The following PIBF1 variants were observed in gnomAD, a reference collection of about 807,000 sequenced individuals.
PIBF1 encodes the protein progesterone-induced-blocking factor 1.
Under a neutral mutation model 112.5 loss-of-function variants are expected in PIBF1, and 90 were observed. The ratio of observed to expected loss-of-function variants is 0.80; its 90% CI spans 0.67 to 0.95. PIBF1 has a LOEUF of 0.95. Among genes scored for constraint, PIBF1 ranks in the 40% least tolerant of loss-of-function variants. The pLI is 0.00. For missense variants in PIBF1, 915 were observed against 852.3 expected (o/e 1.07, Z -0.92); for synonymous variants, 301 against 288.6 (o/e 1.04, Z -0.44).
intron 10 of PIBF1, among the ~76,000 whole-genome samples, chr13:72,886,531 A>G (rs1168994091): frequency 2.6e-5 from 4 of 151,790 alleles, no homozygotes. Flanking sequence ...TCCTTTCCTT[A>G]CATTTGTTTC....
intron 2 of PIBF1, among the ~76,000 whole-genome samples, chr13:72,786,455 A>T (rs1593876420): frequency 6.6e-6 from 1 of 152,212 alleles, no homozygotes; most frequent in East Asian, 1.9e-4. Flanking sequence ...AGAAATGTAA[A>T]TTATATGCTT....
chr13:72,790,704 A>G (rs1040584808), intron 2 of PIBF1, among the ~76,000 whole-genome samples: 4 of 152,200 alleles, frequency 2.6e-5, no homozygotes, highest in African/African-American at 9.7e-5. Context: ...AGTTAAGAAA[A>G]CTAGAGAAGA....
chr13:72,964,245 TTG>T (rs1259350393), intron 14 of PIBF1, among the ~76,000 whole-genome samples: 1 of 152,206 alleles, frequency 6.6e-6, no homozygotes, highest in East Asian at 1.9e-4. Context: ...AGGACAAATA[TTG>T]TGTTATTCCA....
chr13:72,879,697 C>T (rs563446267), intron 10 of PIBF1, among the ~76,000 whole-genome samples: 6 of 152,178 alleles, frequency 3.9e-5, no homozygotes, highest in Non-Finnish European at 5.9e-5. Context: ...AGTCAGAGGT[C>T]GACAAACTAT....
chr13:72,997,245 T>C (rs2043707208), intron 16 of PIBF1, among the ~76,000 whole-genome samples: 1 of 152,234 alleles, frequency 6.6e-6, no homozygotes, highest in Non-Finnish European at 1.5e-5. Context: ...CTTTCCCTTC[T>C]ACTTATCTTG....
At chr13:73,014,244 A>G (rs2044317226) in intron 17 of PIBF1, among the ~76,000 whole-genome samples, 1 of 152,150 alleles carries the variant, frequency 6.6e-6, no homozygotes, top group Non-Finnish European at 1.5e-5. Flanking sequence ...GGTGTGAGCC[A>G]CAGCACCCAG....
At chr13:72,804,525 G>A (rs1482861256) in intron 5 of PIBF1, among the ~76,000 whole-genome samples, 1 of 152,162 alleles carries the variant, frequency 6.6e-6, no homozygotes, top group Non-Finnish European at 1.5e-5. Context: ...TAGGTATAGG[G>A]CAGGACGCCT....
At position 72,782,516 on chromosome 13, in the gene PIBF1, T is replaced by G. The variant is rs569733958; in HGVS notation, c.-48+167T>G. Among the ~76,000 whole-genome samples the G allele has an allele frequency of 1.3e-3, 203 of 152,260 alleles. 1 individual carries two copies. Among genetic ancestry groups the G allele is most frequent in the African/African-American group, 4.6e-3 (193 of 41,538 alleles). ...TTGAATTCACTTTTTCTTACCTATTTCCCTTCAAAAAGAAGGAGGGAGGCC... is the reference window on the plus strand; with the variant it reads ...TTGAATTCACTTTTTCTTACCTATTGCCCTTCAAAAAGAAGGAGGGAGGCC... On this transcript the variant is annotated intron_variant, in intron 1 of 17. Coordinates refer to ENST00000326291, the MANE Select transcript of PIBF1 (RefSeq NM_006346.4).
intron 14 of PIBF1, among the ~76,000 whole-genome samples, chr13:72,964,271 T>G (rs2042681864): frequency 6.6e-6 from 1 of 152,192 alleles, no homozygotes; most frequent in Admixed American, 6.5e-5. Flanking sequence ...ATGTGAGGTA[T>G]CTGGAATAGG....
chr13:72,958,907 ATC>A, intron 14 of PIBF1, among the ~76,000 whole-genome samples: 1 of 152,300 alleles, frequency 6.6e-6, no homozygotes, highest in East Asian at 1.9e-4. Context: ...GATTATCAGA[ATC>A]TGAGACCCAA....
At chr13:72,994,696 G>A (rs1341857487) in intron 16 of PIBF1, among the ~76,000 whole-genome samples, 4 of 152,110 alleles carry the variant, frequency 2.6e-5, no homozygotes, top group Non-Finnish European at 4.4e-5. Context: ...TCTGAAATAC[G>A]AGATGAAGCC....
At chr13:72,881,394 G>A (rs1197867447) in intron 10 of PIBF1, among the ~76,000 whole-genome samples, 1 of 152,084 alleles carries the variant, frequency 6.6e-6, no homozygotes, top group Non-Finnish European at 1.5e-5. Flanking sequence ...ATTTACAATA[G>A]CTACAAATAA....
intron 13 of PIBF1, among the ~76,000 whole-genome samples, chr13:72,928,804 C>T (rs558138038): frequency 7.9e-5 from 12 of 152,294 alleles, no homozygotes; most frequent in African/African-American, 2.9e-4. Context: ...ATCACCCTAT[C>T]TGTATAAGAA....
intron 9 of PIBF1, among the ~76,000 whole-genome samples, chr13:72,839,013 T>C (rs545173740): frequency 1.3e-5 from 2 of 152,282 alleles, no homozygotes; most frequent in East Asian, 3.9e-4. Context: ...AAGAATGCAT[T>C]TGGACCATTA....
intron 3 of PIBF1, 64 bp downstream of exon 3, chr13:72,792,611 C>A: frequency 1.2e-6 from 1 of 803,276 alleles, no homozygotes; most frequent in South Asian, 1.9e-5. Flanking sequence ...AATTTTATTG[C>A]CTGTTCATGT....
chr13:72,875,359 A>G (rs1186930162), intron 10 of PIBF1, among the ~76,000 whole-genome samples: 1 of 152,192 alleles, frequency 6.6e-6, no homozygotes, highest in Non-Finnish European at 1.5e-5. Flanking sequence ...AATCTGCTAT[A>G]AACATCCTTG....
chr13:72,873,495 C>A (rs1217250386), intron 10 of PIBF1, among the ~76,000 whole-genome samples: 1 of 152,076 alleles, frequency 6.6e-6, no homozygotes, highest in African/African-American at 2.4e-5. Context: ...CTCCACCTCC[C>A]CAGTTCAAGT....
rs375667803 is a variant in PIBF1 at position 72,931,121 on chromosome 13, G to A, written c.1731-44G>A. On this transcript the variant is annotated intron_variant, in intron 13 of 17. Coordinates refer to ENST00000326291, the MANE Select transcript of PIBF1 (RefSeq NM_006346.4). ...AAACACATTTTGAATATTTTGGGCA[G>A]TATTTCACTTTTAAGCATTAATTTT... 5.5e-5 allele frequency: 63 copies of A among 1,138,720 alleles called. No individual in the cohort carries two copies. In the African/African-American group the frequency reaches 7.1e-4, roughly 13 times the overall value. 70.5% of individuals were successfully genotyped at this position (1,138,720 alleles called of 1,614,324 possible). A position where few individuals can be genotyped will look rare whatever the true frequency, so the allele number is the denominator to read the frequency against.
chr13:72,915,004 G>A (rs1566442045), intron 12 of PIBF1, among the ~76,000 whole-genome samples: 1 of 151,890 alleles, frequency 6.6e-6, no homozygotes, highest in Non-Finnish European at 1.5e-5. Flanking sequence ...TGAAAATATT[G>A]GGGAAAAGAC....
Sources: allele counts gnomAD v4.1 joint callset (sites outside exome capture counted in the v4.1 genomes callset), GRCh38; gene constraint gnomAD v4.1.1; transcripts MANE v1.5; gene names NCBI Gene and HGNC (gene_info 2026-07-23, HGNC 2026-07-21).